The following LMO1 variants were observed in gnomAD, a reference collection of about 807,000 sequenced individuals.
The protein encoded by LMO1 is LIM domain only 1, also known as rhombotin-1.
A neutral mutation model predicts 18.0 loss-of-function variants in LMO1; 10 were observed. The ratio of observed to expected loss-of-function variants is 0.55; its 90% confidence interval spans 0.34 to 0.94. The LOEUF (loss-of-function observed/expected upper bound fraction) is 0.94. Ranked by LOEUF, LMO1 falls within the 40% of genes least tolerant of loss-of-function variation. LMO1 has a pLI of 0.02. For missense variants in LMO1, 183 were observed against 205.7 expected, an observed-to-expected ratio of 0.89 and a Z score of 0.68; for synonymous variants, 77 against 77.9, an observed-to-expected ratio of 0.99 and a Z score of 0.06.
chr11:8,260,011 G>C (rs1847159572), intron 1 of LMO1, among the ~76,000 whole-genome samples: 1 of 152,108 alleles, frequency 6.6e-6, no homozygotes, highest in African/African-American at 2.4e-5. Context: ...CTGGGCCTTT[G>C]CAAAGGCCGT....
intron 2 of LMO1, among the ~76,000 whole-genome samples, chr11:8,227,704 C>T (rs1952573076): frequency 6.6e-6 from 1 of 152,212 alleles, no homozygotes; most frequent in Non-Finnish European, 1.5e-5. Context: ...TATTATTATT[C>T]CCCATTTTAA....
intron 1 of LMO1, among the ~76,000 whole-genome samples, chr11:8,249,424 A>C (rs760415743): frequency 2.3e-4 from 35 of 152,102 alleles, no homozygotes; most frequent in Non-Finnish European, 5.0e-4. Flanking sequence ...GAGTAAACCA[A>C]ATGGTCTTAA....
At position 8,224,702 on chromosome 11, in the gene LMO1, A is replaced by G; in HGVS notation, c.385T>C (p.Phe129Leu). 1 of 1,605,382 alleles carries G rather than the reference A, an allele frequency of 6.2e-7. No homozygotes were observed. The highest frequency in any genetic ancestry group is 8.5e-7 in the Non-Finnish European group (1 of 1,175,552). ...CNQRFCVGDK[F>L]FLKNNMILCQ... ...AAGATCATGTTGTTCTTCAGGAAGA[A>G]TTTGTCTCCCACACAAAATCTAGAA... is the stretch of plus-strand genomic sequence containing the variant. The change falls in exon 4 of 4, where the codon TTC becomes CTC. Residue 129 changes from phenylalanine (F) to leucine (L), a missense_variant. Phe to Leu is a conservative substitution (Grantham distance 22). Transcript: ENST00000335790.
rs57512845 is a variant in LMO1 at position 8,230,513 on chromosome 11, G to A, written c.26-9C>T. The A allele has an allele frequency of 1.5e-3, 2,410 of 1,609,350 alleles. 30 individuals are homozygous for A. In the African/African-American group the frequency reaches 0.028, roughly 19 times the overall value. On this transcript the variant is annotated splice_polypyrimidine_tract_variant and intron_variant, in intron 1 of 3. Transcript: ENST00000335790. The stretch of plus-strand genomic sequence containing the variant: ...GGAGAGCATCGGCACGCCTGCAGAC[G>A]GACAGACAGACAGCAACGCAGGATG...
At chr11:8,237,885 C>A (rs1271213612) in intron 1 of LMO1, among the ~76,000 whole-genome samples, 1 of 152,238 alleles carries the variant, frequency 6.6e-6, no homozygotes, top group Admixed American at 6.5e-5. Context: ...TTGGTGCTTC[C>A]CAGCTCTGCC....
chr11:8,236,359 TTTTGGGG>T (rs1265880788), intron 1 of LMO1, among the ~76,000 whole-genome samples: 1 of 150,936 alleles, frequency 6.6e-6, no homozygotes, highest in African/African-American at 2.5e-5. Context: ...CCAGGCTAAT[TTTTGGGG>T]GGAGGAATTT....
intron 1 of LMO1, among the ~76,000 whole-genome samples, chr11:8,242,643 G>C (rs193242219): frequency 1.6e-4 from 25 of 152,320 alleles, no homozygotes; most frequent in Admixed American, 3.3e-4. Flanking sequence ...GACTGGTGGA[G>C]AGCATCTGGA....
At chr11:8,237,683 C>G (rs1230514267) in intron 1 of LMO1, among the ~76,000 whole-genome samples, 1 of 152,246 alleles carries the variant, frequency 6.6e-6, no homozygotes, top group Non-Finnish European at 1.5e-5. Context: ...TCCAGCTCCC[C>G]ACGAGGGCAG....
intron 1 of LMO1, among the ~76,000 whole-genome samples, chr11:8,260,967 G>A (rs1847176834): frequency 6.6e-6 from 1 of 152,156 alleles, no homozygotes; most frequent in South Asian, 2.1e-4. Flanking sequence ...ATAGGTGGTT[G>A]GTTTGGAGGA....
intron 1 of LMO1, among the ~76,000 whole-genome samples, chr11:8,244,436 G>A (rs180981954): frequency 9.9e-5 from 15 of 152,220 alleles, no homozygotes; most frequent in Admixed American, 3.9e-4. Context: ...CCCTGTGAGC[G>A]GAACCCGCAT....
At chr11:8,254,319 G>A (rs1170642530) in intron 1 of LMO1, among the ~76,000 whole-genome samples, 1 of 152,188 alleles carries the variant, frequency 6.6e-6, no homozygotes, top group Non-Finnish European at 1.5e-5. Flanking sequence ...ACAGCCTGAA[G>A]CCTGGGTTTT....
At position 8,224,600 on chromosome 11, in the gene LMO1, G is replaced by C; in HGVS notation, c.*16C>G. On this transcript the variant is annotated 3_prime_UTR_variant, in exon 4 of 4. Transcript: ENST00000335790. ...GGGCAGATGGACAGACGGGCCTGGA[G>C]GCCAGGCGCCGGGCGTTACTGAACT... The C allele has an allele frequency of 6.6e-7, 1 of 1,521,476 alleles. No individual in the cohort carries two copies. Among genetic ancestry groups the C allele is most frequent in the South Asian group, 1.2e-5 (1 of 85,424 alleles). 94.2% of individuals were successfully genotyped at this position (1,521,476 alleles called of 1,614,324 possible). A position where few individuals can be genotyped will look rare whatever the true frequency, so the allele number is the denominator to read the frequency against.
intron 1 of LMO1, among the ~76,000 whole-genome samples, chr11:8,252,017 AGT>A (rs1203721977): frequency 1.3e-5 from 2 of 150,254 alleles, no homozygotes; most frequent in African/African-American, 2.5e-5. Flanking sequence ...AATGTGTGTG[AGT>A]GTGTGTGTGA....
chr11:8,253,644 G>A (rs961685190), intron 1 of LMO1, among the ~76,000 whole-genome samples: 2 of 152,196 alleles, frequency 1.3e-5, no homozygotes, highest in Admixed American at 6.5e-5. Context: ...AAAGATCGAG[G>A]GGAGAGGACA....
intron 1 of LMO1, among the ~76,000 whole-genome samples, chr11:8,262,383 C>G (rs1482791784): frequency 2.0e-5 from 3 of 152,212 alleles, no homozygotes; most frequent in Non-Finnish European, 2.9e-5. Context: ...GGTACTGCCT[C>G]TCTCCTTACC....
chr11:8,250,776 T>C (rs1270989923), intron 1 of LMO1, among the ~76,000 whole-genome samples: 1 of 152,224 alleles, frequency 6.6e-6, no homozygotes, highest in African/African-American at 2.4e-5. Flanking sequence ...TCAGAAAGTA[T>C]TTCAGAAACA....
intron 1 of LMO1, among the ~76,000 whole-genome samples, chr11:8,240,922 T>C (rs1446809389): frequency 6.6e-6 from 1 of 152,292 alleles, no homozygotes; most frequent in Non-Finnish European, 1.5e-5. Context: ...TGTGGTTCTT[T>C]AGTGGGGGGA....
upstream of LMO1, among the ~76,000 whole-genome samples, chr11:8,264,636 G>GT (rs760684845): frequency 1.1e-4 from 16 of 151,646 alleles, no homozygotes; most frequent in Non-Finnish European, 1.9e-4. Context: ...CTTTCTTTCT[G>GT]TTTTTTCTTT....
At chr11:8,238,985 C>T (rs1289254121) in intron 1 of LMO1, among the ~76,000 whole-genome samples, 1 of 152,214 alleles carries the variant, frequency 6.6e-6, no homozygotes, top group African/African-American at 2.4e-5. Context: ...GGCTAACCAT[C>T]TTACAGTGTT....
Sources: gnomAD v4.1 joint callset for allele counts (sites outside exome capture counted in the v4.1 genomes callset) on GRCh38, gnomAD v4.1.1 for gene constraint, MANE v1.5 for transcripts, NCBI Gene and HGNC (gene_info 2026-07-23, HGNC 2026-07-21) for gene names.